MRC2: variants seen among roughly 807,000 people sequenced by gnomAD.
MRC2 encodes the protein C-type mannose receptor 2.
Under a neutral mutation model 206.2 loss-of-function variants are expected in MRC2, and 84 were observed. The observed-to-expected ratio is 0.41, with a 90% CI of 0.34 to 0.49. The LOEUF is 0.49. MRC2 is among the 20% of genes least tolerant of loss of function. The pLI is 0.31. For missense variants in MRC2, 1,676 were observed against 2,001.5 expected (o/e 0.84, Z 3.10); for synonymous variants, 798 against 800.0 (o/e 1.00, Z 0.04).
At position 62,679,903 on chromosome 17, in the gene MRC2, G is replaced by C; in HGVS notation, c.2298+1G>C. On this transcript the variant is annotated splice_donor_variant, in intron 14 of 29. Coordinates refer to ENST00000303375, the MANE Select transcript of MRC2 (RefSeq NM_006039.5). LOFTEE classifies it high-confidence loss of function. ...TTGGCGCTGGAGCGACGGCGTAGGG[G>C]TGAGGGGGCCTGGGGTACTTGGGAC... 6.2e-7 allele frequency: 1 copy of C among 1,611,968 alleles called. No homozygotes were observed. The highest frequency in any genetic ancestry group is 8.5e-7 in the Non-Finnish European group (1 of 1,179,312).
At position 62,690,315 on chromosome 17, in the gene MRC2, C is replaced by A. The variant is rs1253251572; in HGVS notation, c.3892+10C>A. 1 of 1,600,264 alleles carries A rather than the reference C, an allele frequency of 6.2e-7. No homozygotes were observed. The highest frequency in any genetic ancestry group is 8.5e-7 in the Non-Finnish European group (1 of 1,172,286). On this transcript the variant is annotated intron_variant, in intron 26 of 29. Transcript: ENST00000303375. ...CAGCGCTGCCAGAGAGGTGGGTGAC[C>A]AGGCCAGAGCCCACACATGGCGGGC...
chr17:62,652,558 C>A lies in MRC2; in HGVS notation c.119-11990C>A, dbSNP rs923315827. Among the ~76,000 whole-genome samples the A allele has an allele frequency of 1.8e-4, 28 of 152,362 alleles. No individual in the cohort carries two copies. In the East Asian group the frequency reaches 4.8e-3, roughly 26 times the overall value. On this transcript the variant is annotated intron_variant, in intron 1 of 29. Coordinates refer to ENST00000303375, the MANE Select transcript of MRC2 (RefSeq NM_006039.5). This position sits in a 1 kb window ranked among gnomAD's most constrained non-coding sequence, Gnocchi z 4.6. ...CAGCCGTCGTTGTGAAAATTCCCCCCACGGGGAAGGAAGTGGCTCTTGGGC... is the reference window on the plus strand; with the variant it reads ...CAGCCGTCGTTGTGAAAATTCCCCCAACGGGGAAGGAAGTGGCTCTTGGGC...
At chr17:62,684,885 A>T (rs2089013187) in intron 20 of MRC2, among the ~76,000 whole-genome samples, 1 of 152,224 alleles carries the variant, frequency 6.6e-6, no homozygotes, top group Non-Finnish European at 1.5e-5. Context: ...TCATGCCTGT[A>T]ATCCCAGCAC....
chr17:62,638,737 CAAAAA>C (rs59450498), intron 1 of MRC2, among the ~76,000 whole-genome samples: 3 of 85,206 alleles, frequency 3.5e-5, no homozygotes, highest in Non-Finnish European at 4.5e-5. Flanking sequence ...AACCCTGTCT[CAAAAA>C]AAAAAAAAAA....
intron 6 of MRC2, among the ~76,000 whole-genome samples, chr17:62,669,359 C>G (rs1375461269): frequency 6.6e-6 from 1 of 151,792 alleles, no homozygotes; most frequent in Non-Finnish European, 1.5e-5. Context: ...GGATTACAGG[C>G]GGGCATCACT....
chr17:62,662,812 TGAGGCAGAATTGCTTGAACCCAGGAGGCA>T (rs2088697121), intron 1 of MRC2, among the ~76,000 whole-genome samples: 1 of 152,028 alleles, frequency 6.6e-6, no homozygotes, highest in African/African-American at 2.4e-5. Flanking sequence ...CTCAGGAGGC[TGAGGCAGAATTGCTTGAACCCAGGAGGCA>T]GAGGTTGCAG....
rs1255191757 is a variant in MRC2, at chr17:62,690,040, G to T, written c.3720G>T (p.Gly1240=). 6.2e-7 allele frequency: 1 copy of T among 1,606,246 alleles called. No homozygotes were observed. The highest frequency in any genetic ancestry group is 1.7e-5 in the Admixed American group (1 of 59,520). ...CCAGCTGTGACACCAAGCTGCAGGG[G>T]GCTGTGTGTGGGGTTAGCAGTGGTG... ...RTTSCDTKLQ[G]AVCGVSSGPP... Residue 1240 remains glycine (G), a synonymous_variant, in exon 25 of 30, where the codon GGG becomes GGT. Coordinates refer to ENST00000303375, the MANE Select transcript of MRC2 (RefSeq NM_006039.5).
At chr17:62,689,421 G>A in intron 23 of MRC2, 101 bp from the exon 24 acceptor site, 3 of 760,052 alleles carry the variant, frequency 3.9e-6, no homozygotes, top group Non-Finnish European at 6.4e-6. Context: ...GTCTGGTGGA[G>A]ACCGGGTCTT....
At chr17:62,689,447 C>T (rs1377388640) in intron 23 of MRC2, 75 bp from the exon 24 acceptor site, 12 of 1,048,438 alleles carry the variant, frequency 1.1e-5, no homozygotes, top group Non-Finnish European at 1.7e-5. Context: ...GGTGTGCGGC[C>T]TTCTCCTGGC....
intron 1 of MRC2, among the ~76,000 whole-genome samples, chr17:62,647,260 T>C (rs527283844): frequency 4.3e-4 from 65 of 149,966 alleles, no homozygotes; most frequent in South Asian, 3.8e-3. Context: ...CTTGGCTCAC[T>C]GCAACCTCCG....
At chr17:62,676,873 C>T (rs530755352) in intron 11 of MRC2, among the ~76,000 whole-genome samples, 3 of 152,274 alleles carry the variant, frequency 2.0e-5, no homozygotes, top group African/African-American at 7.2e-5. Flanking sequence ...TATCTGGGCT[C>T]ACAAAAAAGA....
Position 62,691,013 on chromosome 17 carries a change from G to C in MRC2, c.4077G>C (p.Leu1359Phe). The change falls in exon 28 of 30, where the codon TTG (leucine) becomes TTC (phenylalanine). Residue 1359 changes from leucine (L) to phenylalanine (F), a missense_variant. Leu to Phe is a conservative substitution (Grantham distance 22). Around this residue, in one of 3 missense-constraint regions of MRC2, gnomAD observed 1,354 missense variants for 1,636.6 expected, o/e 0.83. Transcript: ENST00000303375. ...VNYSNWGPPG[L>F]GPSMLSHNSC... Reference sequence around the variant, plus strand: ...ACTCCAACTGGGGGCCCCCGGGCTTGGGCCCCAGCATGCTGAGCCACAACA... The same window carrying C: ...ACTCCAACTGGGGGCCCCCGGGCTTCGGCCCCAGCATGCTGAGCCACAACA... The C allele has an allele frequency of 6.2e-7, 1 of 1,609,044 alleles. No homozygotes were observed. Among genetic ancestry groups the C allele is most frequent in the Non-Finnish European group, 8.5e-7 (1 of 1,178,696 alleles).
chr17:62,635,655 A>G (rs1025362502), intron 1 of MRC2, among the ~76,000 whole-genome samples: 2 of 152,102 alleles, frequency 1.3e-5, no homozygotes, highest in South Asian at 2.1e-4. Flanking sequence ...ATTGGCCTCA[A>G]TTGTAAGAAT....
intron 20 of MRC2, among the ~76,000 whole-genome samples, chr17:62,683,059 G>A (rs1299273506): frequency 6.6e-6 from 1 of 151,836 alleles, no homozygotes; most frequent in East Asian, 1.9e-4. Context: ...GTATATGTGT[G>A]TGTAAATAAA....
chr17:62,635,810 C>T (rs564782251), intron 1 of MRC2, among the ~76,000 whole-genome samples: 4 of 150,800 alleles, frequency 2.7e-5, no homozygotes, highest in Admixed American at 1.3e-4. Context: ...TTTTCTGAGA[C>T]GGAGTCTCGC....
chr17:62,674,177 G>A lies in MRC2; in HGVS notation c.1569+7G>A. On this transcript the variant is annotated splice_region_variant and intron_variant, in intron 9 of 29. Transcript: ENST00000303375. ...GGACCATGGCTGCCGGAAGGTGAGG[G>A]TGTTTCTGGAGCTGCCCTGAGTGGG... 2 of 1,545,212 alleles carry A rather than the reference G, an allele frequency of 1.3e-6. No homozygotes were observed. The highest frequency in any genetic ancestry group is 2.4e-5 in the South Asian group (2 of 83,632).
intron 18 of MRC2, chr17:62,681,552 A>G: frequency 2.1e-6 from 1 of 468,640 alleles, no homozygotes. Flanking sequence ...TGGGACTCAG[A>G]ATTTGAGCTT....
Position 62,664,751 on chromosome 17 carries a change from G to A in MRC2, c.322G>A (p.Gly108Ser), listed in dbSNP as rs770754058. The change falls in exon 2 of 30, where the codon GGC (glycine) becomes AGC (serine). Residue 108 changes from glycine (G) to serine (S), a missense_variant. Coordinates refer to ENST00000303375, the MANE Select transcript of MRC2 (RefSeq NM_006039.5). The surrounding 1 kb of genome is among the most constrained non-coding windows in gnomAD (Gnocchi z 4.7). ...WPGTNTTASL[G>S]MYECDREALN... ...AGGCACCAACACCACGGCCTCCCTG[G>A]GCATGTATGAGTGTGACCGGGAAGC... is the stretch of plus-strand genomic sequence containing the variant. 6.2e-7 allele frequency: 1 copy of A among 1,614,016 alleles called. No individual in the cohort carries two copies. Among genetic ancestry groups the A allele is most frequent in the East Asian group, 2.2e-5 (1 of 44,882 alleles).
chr17:62,649,538 C>G (rs944116600), intron 1 of MRC2, among the ~76,000 whole-genome samples: 25 of 152,116 alleles, frequency 1.6e-4, no homozygotes, highest in African/African-American at 6.0e-4. Flanking sequence ...CTGCAGTGAG[C>G]CAAGATTTCA....
Sources: allele counts gnomAD v4.1 joint callset (sites outside exome capture counted in the v4.1 genomes callset), GRCh38; gene constraint gnomAD v4.1.1; regional missense constraint gnomAD v4.1.1; non-coding constraint Gnocchi (gnomAD v3.1); transcripts MANE v1.5; gene names NCBI Gene and HGNC (gene_info 2026-07-23, HGNC 2026-07-21).